The following PKHD1 variants were observed in gnomAD, a reference collection of about 807,000 sequenced individuals.
PKHD1 encodes the protein PKHD1 ciliary IPT domain containing fibrocystin/polyductin.
In PKHD1, 291 loss-of-function variants were observed where a neutral mutation model predicts 412.0. The observed-to-expected ratio is 0.71, with a 90% CI of 0.64 to 0.78. PKHD1 has a LOEUF of 0.78. PKHD1 is among the 30% of genes least tolerant of loss of function. PKHD1 has a pLI of 0.00. For missense variants in PKHD1, 4,825 were observed against 4,950.7 expected (o/e 0.97, Z 0.76); for synonymous variants, 1,777 against 1,821.5 (o/e 0.98, Z 0.62).
Position 51,885,906 on chromosome 6 carries a change from G to T in PKHD1, c.7176C>A (p.Phe2392Leu). 4 of 1,613,274 alleles carry T rather than the reference G, an allele frequency of 2.5e-6. No homozygotes were observed. Among genetic ancestry groups the T allele is most frequent in the Non-Finnish European group, 3.4e-6 (4 of 1,179,396 alleles). Reference sequence around the variant, plus strand: ...CACTTTCCCAAACTGTGAAGCTCTGGAACAGAGTGGTGCCAGTGACATTAT... The same window carrying T: ...CACTTTCCCAAACTGTGAAGCTCTGTAACAGAGTGGTGCCAGTGACATTAT... ...PWDNVTGTTL[F>L]QSFTVWESAG... Residue 2392 changes from phenylalanine (F) to leucine (L), a missense_variant, in exon 45 of 67, where the codon TTC (phenylalanine) becomes TTA (leucine). By Grantham distance (22) the Phe-to-Leu change is conservative. Coordinates refer to ENST00000371117, the MANE Select transcript of PKHD1 (RefSeq NM_138694.4).
intron 27 of PKHD1, among the ~76,000 whole-genome samples, chr6:52,040,252 A>G (rs964423828): frequency 2.0e-5 from 3 of 152,184 alleles, no homozygotes; most frequent in African/African-American, 7.2e-5. Flanking sequence ...GTTTTATGAT[A>G]TGGGAATTAT....
chr6:51,831,434 C>T (rs1284011832), intron 51 of PKHD1, among the ~76,000 whole-genome samples: 2 of 152,070 alleles, frequency 1.3e-5, no homozygotes, highest in Non-Finnish European at 2.9e-5. Context: ...GCCTATTTTC[C>T]TATGCATTTT....
rs1766312361 is a variant in PKHD1 at position 51,619,277 on chromosome 6, T to G, written c.12029A>C (p.Gln4010Pro). Residue 4010 changes from glutamine to proline, a missense_variant, in exon 67 of 67, where the codon CAG becomes CCG. Transcript: ENST00000371117. ...KEGQEQLLRY[Q>P]LAGQNQLLLL... is the part of the protein sequence containing the mutation. ...CAGCAGCTGATTTTGGCCTGCCAGC[T>G]GGTATCTGAGCAACTGCTCTTGGCC... The G allele has an allele frequency of 6.2e-7, 1 of 1,614,262 alleles. No individual in the cohort carries two copies. The highest frequency in any genetic ancestry group is 8.5e-7 in the Non-Finnish European group (1 of 1,180,046).
At chr6:51,820,251 AG>A (rs1253906710) in intron 52 of PKHD1, among the ~76,000 whole-genome samples, 1 of 152,104 alleles carries the variant, frequency 6.6e-6, no homozygotes, top group Non-Finnish European at 1.5e-5. Context: ...TTCTAATGCA[AG>A]GGTTCTTGTG....
chr6:51,658,032 AT>A (rs1301538173), intron 61 of PKHD1, among the ~76,000 whole-genome samples: 2 of 152,140 alleles, frequency 1.3e-5, no homozygotes, highest in Non-Finnish European at 2.9e-5. Context: ...AAGGAAAGAT[AT>A]TTCAATGTAA....
intron 61 of PKHD1, among the ~76,000 whole-genome samples, chr6:51,651,090 G>A (rs1436287667): frequency 6.6e-6 from 1 of 152,112 alleles, no homozygotes; most frequent in African/African-American, 2.4e-5. Context: ...GTACATTGAC[G>A]TCTTGAGACG....
chr6:52,024,080 T>C (rs1372915449), intron 32 of PKHD1, among the ~76,000 whole-genome samples: 1 of 152,218 alleles, frequency 6.6e-6, no homozygotes, highest in Admixed American at 6.5e-5. Flanking sequence ...TTTTGGTATA[T>C]CTAAACGGAG....
At chr6:51,884,267 T>C (rs1191688414) in intron 45 of PKHD1, among the ~76,000 whole-genome samples, 1 of 152,202 alleles carries the variant, frequency 6.6e-6, no homozygotes. Flanking sequence ...GCACCATTTG[T>C]TGAAAAGACT....
intron 36 of PKHD1, among the ~76,000 whole-genome samples, chr6:51,953,172 C>G (rs1790612831): frequency 6.6e-6 from 1 of 151,978 alleles, no homozygotes; most frequent in African/African-American, 2.4e-5. Flanking sequence ...CAAAAGAGGG[C>G]AATTCAGTCC....
rs1482005871 is a variant in PKHD1 at position 51,866,854 on chromosome 6, T to C, written c.7733+1009A>G. 2.0e-5 allele frequency among the ~76,000 whole-genome samples: 3 copies of C among 152,082 alleles called. No homozygotes were observed. The East Asian group carries it at 5.8e-4, about 29-fold the overall frequency. On this transcript the variant is annotated intron_variant, in intron 48 of 66. Transcript: ENST00000371117. ...CAATCAAAATGATTAGAAATAAAAA[T>C]ATATCCCTACATATTATTATTTTAC...
intron 12 of PKHD1, among the ~76,000 whole-genome samples, chr6:52,065,297 C>T (rs1012285879): frequency 6.0e-5 from 9 of 150,498 alleles, no homozygotes; most frequent in Admixed American, 3.3e-4. Flanking sequence ...GATGGAATAG[C>T]GAAAGTTGTC....
intron 35 of PKHD1, chr6:51,975,812 A>G (rs1434161636): frequency 6.6e-6 from 1 of 151,780 alleles, no homozygotes; most frequent in Non-Finnish European, 1.5e-5. Context: ...AGAGCAGGAG[A>G]CCACTCCATT....
chr6:51,999,114 G>C (rs1305569919), intron 35 of PKHD1, among the ~76,000 whole-genome samples: 1 of 152,194 alleles, frequency 6.6e-6, no homozygotes, highest in East Asian at 1.9e-4. Context: ...CTCAAAGCTG[G>C]AATGCACCAG....
At chr6:51,666,390 T>C (rs1773780603) in intron 60 of PKHD1, among the ~76,000 whole-genome samples, 1 of 152,158 alleles carries the variant, frequency 6.6e-6, no homozygotes, top group South Asian at 2.1e-4. Flanking sequence ...ATAACAACAA[T>C]GTTGTAATAT....
At chr6:51,886,091 C>CT in intron 44 of PKHD1, 119 bp from the exon 45 acceptor site, 1 of 735,710 alleles carries the variant, frequency 1.4e-6, no homozygotes, top group South Asian at 1.5e-5. Flanking sequence ...TAGATGGAAT[C>CT]TGTGACCCTC....
chr6:51,967,829 C>T (rs982551811), intron 35 of PKHD1, among the ~76,000 whole-genome samples: 1 of 152,194 alleles, frequency 6.6e-6, no homozygotes, highest in Non-Finnish European at 1.5e-5. Flanking sequence ...TTTGTGTTCC[C>T]AGTCACTATT....
Position 51,746,883 on chromosome 6 carries a change from G to T in PKHD1, c.9836C>A (p.Thr3279Asn). ...ISGIMKLQDV[T>N]FSSFVKSCYS... is the part of the protein sequence containing the mutation. ...GCAACTCTTCACAAAACTAGAAAAG[G>T]TAACATCTGAAATTTTAAAAATATG... The change falls in exon 59 of 67, where the codon ACC becomes AAC. Residue 3279 changes from threonine (T) to asparagine (N), a missense_variant. Thr to Asn is a moderately conservative substitution (Grantham distance 65). Transcript: ENST00000371117. 1 of 1,593,520 alleles carries T rather than the reference G, an allele frequency of 6.3e-7. No homozygotes were observed. The highest frequency in any genetic ancestry group is 8.6e-7 in the Non-Finnish European group (1 of 1,164,186).
intron 64 of PKHD1, among the ~76,000 whole-genome samples, chr6:51,636,931 G>A (rs2244618): frequency 0.043 from 6,499 of 152,130 alleles, 231 homozygotes; most frequent in African/African-American, 0.093. Flanking sequence ...TGAAAATTAA[G>A]AGGAATAATT....
At chr6:51,718,666 GATAA>G (rs1486982912) in intron 60 of PKHD1, among the ~76,000 whole-genome samples, 3 of 152,074 alleles carry the variant, frequency 2.0e-5, no homozygotes, top group Non-Finnish European at 4.4e-5. Flanking sequence ...CTGATCTATA[GATAA>G]ATAGAGATGG....
Sources: allele counts gnomAD v4.1 joint callset (sites outside exome capture counted in the v4.1 genomes callset), GRCh38; gene constraint gnomAD v4.1.1; transcripts MANE v1.5; gene names NCBI Gene and HGNC (gene_info 2026-07-23, HGNC 2026-07-21).